Variants in CHIT1 observed in about 807,000 individuals in gnomAD.
CHIT1 encodes the protein chitinase 1, also known as chitotriosidase-1.
A neutral mutation model predicts 52.0 loss-of-function variants in CHIT1; 47 were observed. That is an observed-to-expected ratio of 0.90 (90% CI 0.71 to 1.15). The LOEUF is 1.15. Ranked by LOEUF, CHIT1 falls within the 50% of genes most tolerant of loss-of-function variation. The pLI, the probability that CHIT1 is intolerant of heterozygous loss-of-function variation, is 0.00. For synonymous variants in CHIT1, 242 were observed against 228.2 expected, an observed-to-expected ratio of 1.06 and a Z score of -0.54; for missense variants, 569 against 583.0, an observed-to-expected ratio of 0.98 and a Z score of 0.25.
At chr1:203,225,599 C>A in intron 3 of CHIT1, 70 bp downstream of exon 3, 4 of 1,511,158 alleles carry the variant, frequency 2.6e-6, no homozygotes, top group Non-Finnish European at 3.7e-6. Flanking sequence ...GGAGAGGTGT[C>A]TGGCTCTGGG....
Position 203,223,228 on chromosome 1 carries a change from T to C in CHIT1, c.512A>G (p.Gln171Arg). The C allele has an allele frequency of 6.2e-7, 1 of 1,614,220 alleles. No individual in the cohort carries two copies. The highest frequency in any genetic ancestry group is 8.5e-7 in the Non-Finnish European group (1 of 1,180,038). Residue 171 changes from glutamine to arginine, a missense_variant, in exon 6 of 11, where the codon CAG becomes CGG. Coordinates refer to ENST00000367229, the MANE Select transcript of CHIT1 (RefSeq NM_003465.3). The part of the protein sequence containing the change: ...DLANAFQQEA[Q>R]TSGKERLLLS... The stretch of plus-strand genomic sequence containing the variant: ...AAGAAGGCGTTCCTTCCCTGAGGTC[T>C]GGGCTTCCTGCTGGAAGGCATTGGC...
Position 203,217,101 on chromosome 1 carries a change from G to T in CHIT1, c.1189C>A (p.Leu397Ile). The change falls in exon 11 of 11, where the codon CTT (leucine) becomes ATT (isoleucine). Residue 397 changes from leucine to isoleucine, a missense_variant. Leu to Ile is a conservative substitution (Grantham distance 5). Coordinates refer to ENST00000367229, the MANE Select transcript of CHIT1 (RefSeq NM_003465.3). ...LPYLPSGTPE[L>I]EVPKPGQPSE... is the part of the protein sequence containing the mutation. The stretch of plus-strand genomic sequence containing the variant: ...GGCTGACCTGGTTTTGGAACTTCAA[G>T]CTCTGGGGTGCCTGAAGGCAAGTAT... 6.2e-7 allele frequency: 1 copy of T among 1,609,966 alleles called. No individual in the cohort carries two copies.
intron 2 of CHIT1, among the ~76,000 whole-genome samples, chr1:203,228,140 T>G (rs1305943843): frequency 6.6e-6 from 1 of 152,188 alleles, no homozygotes; most frequent in Non-Finnish European, 1.5e-5. Context: ...GAGACTTAGG[T>G]TCCTTACCTG....
chr1:203,229,551 AACATC>A, intron 1 of CHIT1, 56 bp downstream of exon 1: 1 of 1,598,402 alleles, frequency 6.3e-7, no homozygotes, highest in Non-Finnish European at 8.6e-7. Context: ...GTGGTCCCTG[AACATC>A]CACATCCCCA....
At chr1:203,217,685 T>C (rs1417420511) in intron 10 of CHIT1, 54 bp downstream of exon 10, 1 of 1,613,684 alleles carries the variant, frequency 6.2e-7, no homozygotes, top group East Asian at 2.2e-5. Context: ...TGCATGGAGC[T>C]GTGTTTGTAC....
chr1:203,228,770 C>T (rs901555849), intron 1 of CHIT1, among the ~76,000 whole-genome samples: 4 of 152,116 alleles, frequency 2.6e-5, no homozygotes, highest in African/African-American at 9.7e-5. Flanking sequence ...CTGGGTTGGT[C>T]CTAGAAGCTG....
rs141978567 is a variant in CHIT1, at chr1:203,225,720, G to A, written c.206C>T (p.Thr69Ile). The A allele has an allele frequency of 1.8e-4, 287 of 1,614,162 alleles. 4 individuals are homozygous for A. In the African/African-American group the frequency reaches 3.4e-3, roughly 19 times the overall value. Reference protein sequence around the residue: ...AGMTNHQLSTTEWNDETLYQE... With the variant: ...AGMTNHQLSTIEWNDETLYQE... ...GTAGAGAGTCTCGTCATTCCACTCA[G>A]TGGTGCTCAGCTGGTGGTTGGTCAT... The change falls in exon 3 of 11, where the codon ACT becomes ATT. Residue 69 changes from threonine (T) to isoleucine (I), a missense_variant. Thr to Ile is a moderately conservative substitution (Grantham distance 89, BLOSUM62 -1). Transcript: ENST00000367229.
chr1:203,223,078 C>T, intron 6 of CHIT1, 57 bp downstream of exon 6: 1 of 1,610,250 alleles, frequency 6.2e-7, no homozygotes, highest in East Asian at 2.2e-5. Context: ...GCTCAGTCTG[C>T]CCTTGGCCTC....
intron 4 of CHIT1, among the ~76,000 whole-genome samples, chr1:203,224,378 ACTC>A (rs1656850464): frequency 1.3e-5 from 2 of 152,190 alleles, no homozygotes; most frequent in South Asian, 2.1e-4. Flanking sequence ...CAGGCTAAAA[ACTC>A]CTGCTGCATT....
At chr1:203,228,903 C>T (rs1002832071) in intron 1 of CHIT1, among the ~76,000 whole-genome samples, 4 of 152,132 alleles carry the variant, frequency 2.6e-5, no homozygotes, top group Admixed American at 6.5e-5. Flanking sequence ...GTTTCTCTTT[C>T]GGAACAAGAA....
chr1:203,223,566 G>T lies in CHIT1; in HGVS notation c.409C>A (p.Leu137Ile). 1 of 1,614,236 alleles carries T rather than the reference G, an allele frequency of 6.2e-7. No homozygotes were observed. The highest frequency in any genetic ancestry group is 8.5e-7 in the Non-Finnish European group (1 of 1,180,042). ...LRKYSFDGLDLDWEYPGSQGS... is the reference protein window; with the variant it reads ...LRKYSFDGLDIDWEYPGSQGS... ...TGGCTTCCTGGGTACTCCCAGTCAA[G>T]GTCAAGGCCGTCAAAGCTGTATTTG... Residue 137 changes from leucine to isoleucine, a missense_variant, in exon 5 of 11, where the codon CTT (leucine) becomes ATT (isoleucine). Coordinates refer to ENST00000367229, the MANE Select transcript of CHIT1 (RefSeq NM_003465.3).
intron 7 of CHIT1, 72 bp from the exon 8 acceptor site, chr1:203,219,921 A>G (rs1656673247): frequency 6.4e-7 from 1 of 1,570,178 alleles, no homozygotes; most frequent in Non-Finnish European, 8.7e-7. Flanking sequence ...TGGGGGATCC[A>G]GAGGCAGAGC....
chr1:203,219,862 G>A lies in CHIT1; in HGVS notation c.730-13C>T. ...GCACAGCAGCATCCTGGTGGAAGAG[G>A]GCAGGGTTAATTTTCTCAGCCCTCA... is the stretch of plus-strand genomic sequence containing the variant. On this transcript the variant is annotated splice_polypyrimidine_tract_variant and intron_variant, in intron 7 of 10. Coordinates refer to ENST00000367229, the MANE Select transcript of CHIT1 (RefSeq NM_003465.3). 1 of 1,611,790 alleles carries A rather than the reference G, an allele frequency of 6.2e-7. No individual in the cohort carries two copies. The highest frequency in any genetic ancestry group is 2.2e-4 in the Middle Eastern group (1 of 4,470).
chr1:203,225,664 C>T lies in CHIT1; in HGVS notation c.257+5G>A. 1 of 1,606,356 alleles carries T rather than the reference C, an allele frequency of 6.2e-7. No homozygotes were observed. Among genetic ancestry groups the T allele is most frequent in the Non-Finnish European group, 8.5e-7 (1 of 1,174,110 alleles). Reference sequence around the variant, plus strand: ...CACCCACCCTGCTCCTCTGCTTTGGCTCACATCTTCTTCAGGCCATTGAAC... The same window carrying T: ...CACCCACCCTGCTCCTCTGCTTTGGTTCACATCTTCTTCAGGCCATTGAAC... On this transcript the variant is annotated splice_donor_5th_base_variant and intron_variant, in intron 3 of 10. Coordinates refer to ENST00000367229, the MANE Select transcript of CHIT1 (RefSeq NM_003465.3).
intron 3 of CHIT1, 63 bp from the exon 4 acceptor site, chr1:203,225,167 AT>A: frequency 6.6e-7 from 1 of 1,508,168 alleles, no homozygotes; most frequent in Non-Finnish European, 9.2e-7. Flanking sequence ...CCTGGCAGGG[AT>A]GTTACAGTGG....
Position 203,225,721 on chromosome 1 carries a change from T to C in CHIT1, c.205A>G (p.Thr69Ala), listed in dbSNP as rs1354996295. The C allele has an allele frequency of 5.0e-6, 8 of 1,613,922 alleles. No homozygotes were observed. The African/African-American group carries it at 1.1e-4, about 22-fold the overall frequency. The stretch of plus-strand genomic sequence containing the variant: ...TAGAGAGTCTCGTCATTCCACTCAG[T>C]GGTGCTCAGCTGGTGGTTGGTCATG... ...AGMTNHQLST[T>A]EWNDETLYQE... Residue 69 changes from threonine (T) to alanine (A), a missense_variant, in exon 3 of 11, where the codon ACT becomes GCT. Transcript: ENST00000367229.
In CHIT1 at chr1:203,225,771, G is replaced by A; in HGVS notation, c.155C>T (p.Thr52Ile). The A allele has an allele frequency of 1.9e-6, 3 of 1,614,220 alleles. No individual in the cohort carries two copies. The highest frequency in any genetic ancestry group is 2.5e-6 in the Non-Finnish European group (3 of 1,180,038). ...LPKDLDPSLC[T>I]HLIYAFAGMT... ...GCCAGCGAAGGCGTAGATGAGGTGG[G>A]TGCAAAGGCTGGGGTCCAAGTCCTT... The change falls in exon 3 of 11, where the codon ACC becomes ATC. Residue 52 changes from threonine (T) to isoleucine (I), a missense_variant. Transcript: ENST00000367229.
In CHIT1 at chr1:203,216,545, G is replaced by T. The variant is rs1402100825; in HGVS notation, c.*344C>A. 1 of 470,130 alleles carries T rather than the reference G, an allele frequency of 2.1e-6. No homozygotes were observed. The allele number at this position is 470,130 out of a possible 1,614,324, so 29.1% of individuals were successfully genotyped here. Reference sequence around the variant, plus strand: ...GCCCACTGGCATATGGACTCATGGGGCAAGACCTGCCACAGGGCCTGGCAC... The same window carrying T: ...GCCCACTGGCATATGGACTCATGGGTCAAGACCTGCCACAGGGCCTGGCAC... On this transcript the variant is annotated 3_prime_UTR_variant, in exon 11 of 11. Coordinates refer to ENST00000367229, the MANE Select transcript of CHIT1 (RefSeq NM_003465.3).
chr1:203,221,164 C>T (rs1656717220), intron 7 of CHIT1, among the ~76,000 whole-genome samples: 1 of 152,342 alleles, frequency 6.6e-6, no homozygotes, highest in African/African-American at 2.4e-5. Context: ...TGTCCCACTC[C>T]AGCTGACATA....
Sources: gnomAD v4.1 joint callset for allele counts (sites outside exome capture counted in the v4.1 genomes callset) on GRCh38, gnomAD v4.1.1 for gene constraint, MANE v1.5 for transcripts, NCBI Gene and HGNC (gene_info 2026-07-23, HGNC 2026-07-21) for gene names.